ZHX2: variants seen among roughly 807,000 people sequenced by gnomAD.
ZHX2 encodes zinc fingers and homeoboxes 2.
ZHX2 carries 6 observed loss-of-function variants against 21.9 expected under a neutral mutation model. The ratio of observed to expected loss-of-function variants is 0.27; its 90% CI spans 0.15 to 0.54. ZHX2 has a LOEUF of 0.54. Ranked by LOEUF, ZHX2 falls within the 20% of genes least tolerant of loss-of-function variation. The probability of loss-of-function intolerance (pLI) is 0.95; values close to 1 mark genes in which losing one functional copy is unlikely to be tolerated. For synonymous variants in ZHX2, 434 were observed against 437.1 expected, an observed-to-expected ratio of 0.99 and a Z score of 0.09; for missense variants, 908 against 1,090.7, an observed-to-expected ratio of 0.83 and a Z score of 2.36.
intron 1 of ZHX2, among the ~76,000 whole-genome samples, chr8:122,794,411 C>G (rs773180318): frequency 2.0e-5 from 3 of 152,056 alleles, no homozygotes; most frequent in Non-Finnish European, 4.4e-5. Context: ...TTTCACTAAC[C>G]GCCTAAAAAC....
At chr8:122,873,028 G>T (rs1044952942) in intron 2 of ZHX2, among the ~76,000 whole-genome samples, 17 of 152,228 alleles carry the variant, frequency 1.1e-4, no homozygotes, top group African/African-American at 4.1e-4. Context: ...GAGCCAAAGG[G>T]TGCACGGTGC....
At chr8:122,863,383 A>G (rs1819213202) in intron 1 of ZHX2, 94 bp from the exon 2 acceptor site, 1 of 150,738 alleles carries the variant, frequency 6.6e-6, no homozygotes, top group Non-Finnish European at 1.5e-5. Context: ...CCCCACCTCC[A>G]TCCCAGTCCC....
intron 1 of ZHX2, among the ~76,000 whole-genome samples, chr8:122,813,088 C>G (rs761651033): frequency 2.6e-5 from 4 of 151,098 alleles, no homozygotes; most frequent in Non-Finnish European, 5.9e-5. Context: ...TCCAGCTACT[C>G]GGGAGGCTGA....
chr8:122,790,107 G>A lies in ZHX2; in HGVS notation c.-283+8161G>A, dbSNP rs150653101. Among the ~76,000 whole-genome samples the A allele has an allele frequency of 4.8e-3, 734 of 152,298 alleles. 7 individuals carry two copies. Among genetic ancestry groups the A allele is most frequent in the African/African-American group, 0.013 (557 of 41,558 alleles). On this transcript the variant is annotated intron_variant, in intron 1 of 3. Transcript: ENST00000314393. ...AGGATTTATGGATTTCCTGGTACAG[G>A]ATATATAATGTCCTCTGGAATCACT...
chr8:122,935,427 C>T lies in ZHX2; in HGVS notation c.-219-15865C>T, dbSNP rs540313938. ...GTCACGGGTCGTCAGTGAGCCTCCCCGTTTTCACTGACACTCATGAGTGTG... is the reference window on the plus strand; with the variant it reads ...GTCACGGGTCGTCAGTGAGCCTCCCTGTTTTCACTGACACTCATGAGTGTG... On this transcript the variant is annotated intron_variant, in intron 2 of 3. Coordinates refer to ENST00000314393, the MANE Select transcript of ZHX2 (RefSeq NM_014943.5). 4.0e-3 allele frequency among the ~76,000 whole-genome samples: 615 copies of T among 152,178 alleles called. 1 individual carries two copies. The highest frequency in any genetic ancestry group is 6.7e-3 in the Non-Finnish European group (456 of 68,026).
chr8:122,784,651 G>T (rs897013759), intron 1 of ZHX2, among the ~76,000 whole-genome samples: 1 of 152,156 alleles, frequency 6.6e-6, no homozygotes. Context: ...CAACTATAAT[G>T]TTCATTATAC....
intron 1 of ZHX2, among the ~76,000 whole-genome samples, chr8:122,826,847 A>C (rs980328946): frequency 3.3e-5 from 5 of 152,172 alleles, no homozygotes; most frequent in African/African-American, 1.2e-4. Context: ...CTTCTGTGAG[A>C]GTAGAATTCA....
intron 2 of ZHX2, among the ~76,000 whole-genome samples, chr8:122,868,777 A>G (rs1819361916): frequency 6.6e-6 from 1 of 151,916 alleles, no homozygotes; most frequent in South Asian, 2.1e-4. Flanking sequence ...GGAGGATTGC[A>G]TGAGACAAGA....
At chr8:122,959,125 G>T (rs1813380497) in intron 3 of ZHX2, among the ~76,000 whole-genome samples, 1 of 152,192 alleles carries the variant, frequency 6.6e-6, no homozygotes, top group South Asian at 2.1e-4. Flanking sequence ...CACTCAGCCA[G>T]TGTCTAAAAT....
chr8:122,958,522 G>A (rs759527858), intron 3 of ZHX2, among the ~76,000 whole-genome samples: 4 of 152,162 alleles, frequency 2.6e-5, no homozygotes, highest in South Asian at 2.1e-4. Flanking sequence ...TTCTAAGCAC[G>A]TCTACTAAGT....
At chr8:122,878,661 C>G (rs981853508) in intron 2 of ZHX2, among the ~76,000 whole-genome samples, 1 of 152,004 alleles carries the variant, frequency 6.6e-6, no homozygotes, top group African/African-American at 2.4e-5. Flanking sequence ...GCTGAGAGTC[C>G]CTGTAGGAGG....
chr8:122,815,840 G>A (rs1170540237), intron 1 of ZHX2: 1 of 152,158 alleles, frequency 6.6e-6, no homozygotes, highest in African/African-American at 2.4e-5. Context: ...TGTAATCCCA[G>A]CGCTTCAGGA....
intron 2 of ZHX2, among the ~76,000 whole-genome samples, chr8:122,927,742 G>T (rs1329540815): frequency 6.6e-6 from 1 of 152,112 alleles, no homozygotes; most frequent in African/African-American, 2.4e-5. Context: ...CCTCCCGCTG[G>T]GTCCCTCCCA....
chr8:122,940,014 GA>G (rs1812802375), intron 2 of ZHX2, among the ~76,000 whole-genome samples: 1 of 152,232 alleles, frequency 6.6e-6, no homozygotes, highest in Non-Finnish European at 1.5e-5. Flanking sequence ...TTCTGCAGGT[GA>G]AGGTTCACCC....
intron 1 of ZHX2, among the ~76,000 whole-genome samples, chr8:122,818,919 G>A (rs1012481586): frequency 1.3e-5 from 2 of 152,216 alleles, no homozygotes; most frequent in African/African-American, 4.8e-5. Context: ...AGCCAAAGGA[G>A]AGAATCAGGA....
At chr8:122,922,605 G>A (rs1440696200) in intron 2 of ZHX2, among the ~76,000 whole-genome samples, 2 of 152,186 alleles carry the variant, frequency 1.3e-5, no homozygotes, top group Non-Finnish European at 2.9e-5. Context: ...CTTTGTTTTA[G>A]GACCTTCCTC....
intron 1 of ZHX2, among the ~76,000 whole-genome samples, chr8:122,838,467 A>G (rs1337773835): frequency 2.6e-5 from 4 of 152,212 alleles, no homozygotes; most frequent in African/African-American, 9.7e-5. Flanking sequence ...ACAAGGTTCA[A>G]CAAGAGGTGA....
At chr8:122,807,137 C>T (rs752464147) in intron 1 of ZHX2, among the ~76,000 whole-genome samples, 1 of 152,124 alleles carries the variant, frequency 6.6e-6, no homozygotes, top group Non-Finnish European at 1.5e-5. Flanking sequence ...GTTGGATCAT[C>T]GAAGCCTGGG....
At chr8:122,817,001 T>C (rs2130624262) in intron 1 of ZHX2, among the ~76,000 whole-genome samples, 1 of 152,322 alleles carries the variant, frequency 6.6e-6, no homozygotes, top group Non-Finnish European at 1.5e-5. Context: ...GAGCTCTCCA[T>C]GCAGATGGTG....
Sources: allele counts gnomAD v4.1 joint callset (sites outside exome capture counted in the v4.1 genomes callset), GRCh38; gene constraint gnomAD v4.1.1; transcripts MANE v1.5; gene names NCBI Gene and HGNC (gene_info 2026-07-23, HGNC 2026-07-21).